TMEM114: variants seen among roughly 807,000 people sequenced by gnomAD.
The protein encoded by TMEM114 is claudin-26.
In TMEM114, 6 loss-of-function variants were observed where a neutral mutation model predicts 6.2. That is an observed-to-expected ratio of 0.97 (90% CI 0.53 to 1.91). TMEM114 has a LOEUF of 1.91. Ranked by LOEUF, TMEM114 falls within the 40% of genes most tolerant of loss-of-function variation. The probability of loss-of-function intolerance (pLI) is 0.01; values close to 1 mark genes in which losing one functional copy is unlikely to be tolerated. For missense variants in TMEM114, 218 were observed against 158.3 expected, an observed-to-expected ratio of 1.38 and a Z score of -2.02; for synonymous variants, 104 against 73.0, an observed-to-expected ratio of 1.42 and a Z score of -2.16.
chr16:8,548,100 C>G (rs1171704081), intron 2 of TMEM114, among the ~76,000 whole-genome samples: 8 of 152,190 alleles, frequency 5.3e-5, no homozygotes, highest in African/African-American at 1.9e-4. Context: ...GCAAGACCCT[C>G]TGAAAAGCCT....
intron 2 of TMEM114, among the ~76,000 whole-genome samples, chr16:8,573,128 G>A (rs900520916): frequency 1.5e-4 from 23 of 152,176 alleles, no homozygotes; most frequent in African/African-American, 5.6e-4. Context: ...TTTTGGATGG[G>A]AAAAAGCTTT....
At chr16:8,577,382 G>A (rs900631714) in intron 2 of TMEM114, among the ~76,000 whole-genome samples, 1 of 152,152 alleles carries the variant, frequency 6.6e-6, no homozygotes, top group South Asian at 2.1e-4. Flanking sequence ...GTCATTCCCT[G>A]TTGATGTTCT....
At chr16:8,587,322 G>A (rs1430206334) in intron 2 of TMEM114, among the ~76,000 whole-genome samples, 1 of 152,198 alleles carries the variant, frequency 6.6e-6, no homozygotes, top group Non-Finnish European at 1.5e-5. Flanking sequence ...GGGCTACTAT[G>A]TGCCAGGTTC....
intron 2 of TMEM114, among the ~76,000 whole-genome samples, chr16:8,552,684 A>G (rs183225032): frequency 4.0e-5 from 6 of 151,512 alleles, no homozygotes; most frequent in Admixed American, 2.0e-4. Context: ...CTGCGAGCCT[A>G]TAATTATTTC....
intron 2 of TMEM114, among the ~76,000 whole-genome samples, chr16:8,548,882 G>C (rs367706880): frequency 2.3e-4 from 35 of 152,100 alleles, no homozygotes; most frequent in African/African-American, 6.8e-4. Flanking sequence ...TTGTTGCCTG[G>C]GTTAAGAATG....
chr16:8,555,549 T>C (rs946737179), intron 2 of TMEM114, among the ~76,000 whole-genome samples: 3 of 152,176 alleles, frequency 2.0e-5, no homozygotes, highest in African/African-American at 4.8e-5. Flanking sequence ...TAAACTGTCA[T>C]GGCGCTGGTA....
At chr16:8,571,394 A>G (rs1014861007) in intron 3 of TMEM114, among the ~76,000 whole-genome samples, 19 of 152,186 alleles carry the variant, frequency 1.2e-4, no homozygotes, top group Admixed American at 3.3e-4. Context: ...CGGTCAAACT[A>G]TTCAACACAG....
intron 2 of TMEM114, among the ~76,000 whole-genome samples, chr16:8,556,210 C>T (rs1476051299): frequency 6.6e-6 from 1 of 152,184 alleles, no homozygotes; most frequent in Non-Finnish European, 1.5e-5. Flanking sequence ...ATTCTCTCAT[C>T]TACACAAGTA....
chr16:8,555,974 C>A (rs772906899), intron 2 of TMEM114, among the ~76,000 whole-genome samples: 50 of 152,196 alleles, frequency 3.3e-4, no homozygotes, highest in Admixed American at 7.9e-4. Context: ...GTGTCTGAAG[C>A]GCTGTCTTCC....
chr16:8,560,803 C>G (rs1224797260), intron 2 of TMEM114, among the ~76,000 whole-genome samples: 1 of 152,158 alleles, frequency 6.6e-6, no homozygotes, highest in African/African-American at 2.4e-5. Flanking sequence ...CCAAAGTCAG[C>G]ATTGGGGACT....
At chr16:8,554,117 G>T (rs1317838716) in intron 2 of TMEM114, among the ~76,000 whole-genome samples, 1 of 152,124 alleles carries the variant, frequency 6.6e-6, no homozygotes, top group Non-Finnish European at 1.5e-5. Flanking sequence ...GAGCTCAGGT[G>T]ATCCACCCGA....
chr16:8,569,365 C>T (rs1163517122), downstream of TMEM114: 4 of 746,498 alleles, frequency 5.4e-6, no homozygotes, highest in Admixed American at 1.1e-4. Context: ...GAGAGCTGAA[C>T]GCATTACAGG....
At chr16:8,530,061 C>T in the TMEM114 span, among the ~76,000 whole-genome samples, 5 of 152,176 alleles carry the variant, frequency 3.3e-5, no homozygotes, top group Admixed American at 3.3e-4. Flanking sequence ...TTTCCTGGTC[C>T]CAGTTGCCTT....
chr16:8,550,800 C>T (rs1177287052), intron 2 of TMEM114, among the ~76,000 whole-genome samples: 1 of 152,132 alleles, frequency 6.6e-6, no homozygotes, highest in Non-Finnish European at 1.5e-5. Context: ...CATATCCACA[C>T]ATGCTTGTGG....
At chr16:8,577,591 GT>G (rs71396283) in intron 2 of TMEM114, among the ~76,000 whole-genome samples, 40 of 146,764 alleles carry the variant, frequency 2.7e-4, no homozygotes, top group African/African-American at 8.7e-4. Context: ...TTTGTTTTTT[GT>G]TTTTTTTTTG....
chr16:8,558,112 G>T (rs1047838992), intron 2 of TMEM114, among the ~76,000 whole-genome samples: 2 of 152,060 alleles, frequency 1.3e-5, no homozygotes, highest in South Asian at 4.1e-4. Flanking sequence ...AAATTAGCTG[G>T]GTGTGTGGTG....
chr16:8,575,882 C>G (rs1405119072), intron 2 of TMEM114, among the ~76,000 whole-genome samples: 1 of 152,150 alleles, frequency 6.6e-6, no homozygotes, highest in Non-Finnish European at 1.5e-5. Flanking sequence ...CCTGTTACAA[C>G]CAAACACAGA....
chr16:8,549,014 C>T (rs949634592), intron 2 of TMEM114, among the ~76,000 whole-genome samples: 2 of 151,730 alleles, frequency 1.3e-5, no homozygotes, highest in African/African-American at 4.8e-5. Context: ...AACTCCAGCT[C>T]TACTAAAAAT....
At chr16:8,561,826 G>C in intron 2 of TMEM114, among the ~76,000 whole-genome samples, 1 of 125,922 alleles carries the variant, frequency 7.9e-6, no homozygotes, top group East Asian at 1.9e-4. Flanking sequence ...GGGAGTGAAT[G>C]AGTGAGTGAA....
Sources: gnomAD v4.1 joint callset for allele counts (sites outside exome capture counted in the v4.1 genomes callset) on GRCh38, gnomAD v4.1.1 for gene constraint, MANE v1.5 for transcripts, NCBI Gene and HGNC (gene_info 2026-07-23, HGNC 2026-07-21) for gene names.